The following LRFN5 variants were observed in gnomAD, a reference collection of about 807,000 sequenced individuals.
The protein encoded by LRFN5 is leucine rich repeat and fibronectin type III domain containing 5, also known as leucine-rich repeat and fibronectin type-III domain-containing protein 5.
LRFN5 carries 24 observed loss-of-function variants against 45.6 expected under a neutral mutation model. The ratio of observed to expected loss-of-function variants is 0.53; its 90% confidence interval spans 0.38 to 0.74. LRFN5 has a LOEUF of 0.74. Among genes scored for constraint, LRFN5 ranks in the 30% least tolerant of loss-of-function variants. LRFN5 has a pLI of 0.00. For missense variants in LRFN5, 776 were observed against 861.5 expected (o/e 0.90, Z 1.24); for synonymous variants, 340 against 313.8 (o/e 1.08, Z -0.88).
chr14:41,879,402 G>C (rs571533853), intron 2 of LRFN5, among the ~76,000 whole-genome samples: 107 of 151,882 alleles, frequency 7.0e-4, no homozygotes, highest in Non-Finnish European at 1.3e-3. Flanking sequence ...AAAGTGGCAA[G>C]AATAGCATGA....
At chr14:41,847,218 C>T (rs1469082120) in intron 2 of LRFN5, among the ~76,000 whole-genome samples, 1 of 152,024 alleles carries the variant, frequency 6.6e-6, no homozygotes, top group Non-Finnish European at 1.5e-5. Flanking sequence ...TGAGATCATT[C>T]AAGATTTCTG....
chr14:41,775,093 C>CTGTTTTTTT (rs1555316716), intron 2 of LRFN5, among the ~76,000 whole-genome samples: 1 of 112,492 alleles, frequency 8.9e-6, no homozygotes, highest in Non-Finnish European at 1.7e-5. Context: ...TTTTCTTTTT[C>CTGTTTTTTT]TTTTTTTTTT....
chr14:41,698,746 T>C lies in LRFN5; in HGVS notation c.-196-68108T>C, dbSNP rs575202738. ...TATAAATCAATTTTATTTTTGTATA[T>C]TTTAAAATTATATTTAGCAAATATG... is the stretch of plus-strand genomic sequence containing the variant. On this transcript the variant is annotated intron_variant, in intron 1 of 5. Coordinates refer to ENST00000298119, the MANE Select transcript of LRFN5 (RefSeq NM_152447.5). Among the ~76,000 whole-genome samples, 316 of 152,220 alleles carry C rather than the reference T, an allele frequency of 2.1e-3. 2 individuals carry two copies. Among genetic ancestry groups the C allele is most frequent in the African/African-American group, 7.4e-3 (307 of 41,548 alleles).
chr14:41,749,265 A>G (rs1322363222), intron 1 of LRFN5, among the ~76,000 whole-genome samples: 1 of 152,078 alleles, frequency 6.6e-6, no homozygotes, highest in African/African-American at 2.4e-5. Context: ...GTCTTATAAA[A>G]CTGTATTGTC....
chr14:41,870,500 C>G (rs983368143), intron 2 of LRFN5, among the ~76,000 whole-genome samples: 1 of 152,076 alleles, frequency 6.6e-6, no homozygotes, highest in Non-Finnish European at 1.5e-5. Flanking sequence ...TGGCAGCAGG[C>G]AAGAAAGCAT....
intron 1 of LRFN5, among the ~76,000 whole-genome samples, chr14:41,693,110 A>T (rs1033115185): frequency 1.3e-5 from 2 of 152,088 alleles, no homozygotes; most frequent in African/African-American, 4.8e-5. Context: ...ATTCTTATTC[A>T]AACACTATAC....
rs1464103879 is a variant in LRFN5 at position 41,665,787 on chromosome 14, C to CCGATA, written c.-197+57227_-197+57231dup. On this transcript the variant is annotated intron_variant, in intron 1 of 5. Coordinates refer to ENST00000298119, the MANE Select transcript of LRFN5 (RefSeq NM_152447.5). ...CTCACTTCAATTTTAATGTGTAGAC[C>CCGATA]CGATACATCTTATTCACTTAAATTA... 1.1e-4 allele frequency among the ~76,000 whole-genome samples: 16 copies of CCGATA among 151,918 alleles called. No individual in the cohort carries two copies. The South Asian group carries it at 2.3e-3, about 22-fold the overall frequency.
intron 1 of LRFN5, among the ~76,000 whole-genome samples, chr14:41,737,509 G>C (rs1002287882): frequency 6.6e-6 from 1 of 151,914 alleles, no homozygotes; most frequent in Non-Finnish European, 1.5e-5. Context: ...CAGGGCAGTC[G>C]GGCAAGAGAA....
chr14:41,643,972 T>C (rs373534609), intron 1 of LRFN5, among the ~76,000 whole-genome samples: 1 of 152,316 alleles, frequency 6.6e-6, no homozygotes, highest in African/African-American at 2.4e-5. Flanking sequence ...CTGTAACCAA[T>C]GCAGTTTAGT....
intron 1 of LRFN5, among the ~76,000 whole-genome samples, chr14:41,665,130 A>T (rs777768629): frequency 1.3e-5 from 2 of 151,954 alleles, no homozygotes; most frequent in Non-Finnish European, 2.9e-5. Context: ...TTTTCTGACA[A>T]TTTTTTTGTT....
rs576511320 is a variant in LRFN5, at chr14:41,785,971, G to T, written c.-21+18942G>T. Among the ~76,000 whole-genome samples the T allele has an allele frequency of 1.1e-4, 16 of 152,234 alleles. No individual in the cohort carries two copies. In the East Asian group the frequency reaches 3.1e-3, roughly 29 times the overall value. On this transcript the variant is annotated intron_variant, in intron 2 of 5. Coordinates refer to ENST00000298119, the MANE Select transcript of LRFN5 (RefSeq NM_152447.5). ...CTAGCTTGCCCACTGCTCGCCTCCT[G>T]CTGTGTTAAACAGAACAGGCCACTG...
At chr14:41,677,401 A>G (rs1360275941) in intron 1 of LRFN5, among the ~76,000 whole-genome samples, 8 of 152,170 alleles carry the variant, frequency 5.3e-5, no homozygotes, top group Admixed American at 5.2e-4. Context: ...CAGGCAGTAG[A>G]AACTTCCTCT....
chr14:41,713,277 A>G (rs1883357464), intron 1 of LRFN5, among the ~76,000 whole-genome samples: 1 of 152,106 alleles, frequency 6.6e-6, no homozygotes, highest in Admixed American at 6.5e-5. Flanking sequence ...GAGAGTCTTC[A>G]TAATGTAAGG....
intron 2 of LRFN5, among the ~76,000 whole-genome samples, chr14:41,818,030 C>G (rs965596636): frequency 1.3e-5 from 2 of 152,066 alleles, no homozygotes; most frequent in African/African-American, 4.8e-5. Context: ...TGTATTTCCT[C>G]TATGTATTTT....
At chr14:41,863,329 G>T (rs1448651645) in intron 2 of LRFN5, among the ~76,000 whole-genome samples, 1 of 151,800 alleles carries the variant, frequency 6.6e-6, no homozygotes, top group Non-Finnish European at 1.5e-5. Context: ...TTAATTTGTT[G>T]TTCTCTTTAA....
rs148869702 is a variant in LRFN5, at chr14:41,801,105, T to C, written c.-21+34076T>C. 3.1e-3 allele frequency among the ~76,000 whole-genome samples: 471 copies of C among 152,134 alleles called. 4 individuals carry two copies. Among genetic ancestry groups the C allele is most frequent in the African/African-American group, 0.01 (422 of 41,540 alleles). On this transcript the variant is annotated intron_variant, in intron 2 of 5. Coordinates refer to ENST00000298119, the MANE Select transcript of LRFN5 (RefSeq NM_152447.5). Reference sequence around the variant, plus strand: ...ATTACATAATATACATGTGAAAATATTGGTAAAGGAGTAGAAAAAAACTGA... The same window carrying C: ...ATTACATAATATACATGTGAAAATACTGGTAAAGGAGTAGAAAAAAACTGA...
intron 1 of LRFN5, among the ~76,000 whole-genome samples, chr14:41,692,829 C>T (rs1882439920): frequency 6.6e-6 from 1 of 151,932 alleles, no homozygotes; most frequent in Non-Finnish European, 1.5e-5. Flanking sequence ...TGGCAAAGCT[C>T]TTCAATTTTT....
chr14:41,657,158 T>G (rs1880417431), intron 1 of LRFN5, among the ~76,000 whole-genome samples: 1 of 151,958 alleles, frequency 6.6e-6, no homozygotes, highest in African/African-American at 2.4e-5. Flanking sequence ...CTGATCTACA[T>G]GTTTTGCATT....
chr14:41,622,158 T>C (rs1888160102), intron 1 of LRFN5, among the ~76,000 whole-genome samples: 1 of 151,660 alleles, frequency 6.6e-6, no homozygotes, highest in Non-Finnish European at 1.5e-5. Context: ...TCAGAAATAG[T>C]TTATCTGAGA....
Sources: gnomAD v4.1 joint callset for allele counts (sites outside exome capture counted in the v4.1 genomes callset) on GRCh38, gnomAD v4.1.1 for gene constraint, MANE v1.5 for transcripts, NCBI Gene and HGNC (gene_info 2026-07-23, HGNC 2026-07-21) for gene names.